Variants in GALNTL6 observed in about 807,000 individuals in gnomAD.
GALNTL6 encodes polypeptide N-acetylgalactosaminyltransferase-like 6.
In GALNTL6, 46 loss-of-function variants were observed where a neutral mutation model predicts 73.7. The observed-to-expected ratio is 0.62, with a 90% CI of 0.49 to 0.80. GALNTL6 has a LOEUF of 0.80. Ranked by LOEUF, GALNTL6 falls within the 30% of genes least tolerant of loss-of-function variation. The pLI is 0.00. For synonymous variants in GALNTL6, 259 were observed against 263.7 expected (o/e 0.98, Z 0.17); for missense variants, 604 against 755.0 (o/e 0.80, Z 2.34).
At chr4:171,971,227 C>T (rs1013357752) in intron 2 of GALNTL6, among the ~76,000 whole-genome samples, 1 of 152,184 alleles carries the variant, frequency 6.6e-6, no homozygotes, top group Non-Finnish European at 1.5e-5. Flanking sequence ...CCACCATTCC[C>T]GATCCTCCCA....
chr4:172,803,880 C>G (rs899240132), intron 5 of GALNTL6, among the ~76,000 whole-genome samples: 10 of 152,102 alleles, frequency 6.6e-5, no homozygotes, highest in African/African-American at 2.2e-4. Context: ...CTGTTCCTTT[C>G]TTAGATGGAC....
At position 172,425,975 on chromosome 4, in the gene GALNTL6, T is replaced by C. The variant is rs538067785; in HGVS notation, c.553+77286T>C. On this transcript the variant is annotated intron_variant, in intron 5 of 12. Transcript: ENST00000506823. The stretch of plus-strand genomic sequence containing the variant: ...TAGCATGGTATTCTCCTTGCTCTGA[T>C]TGTCTTTTAGTTATTGAATATAATT... 1.6e-3 allele frequency among the ~76,000 whole-genome samples: 247 copies of C among 152,240 alleles called. 2 individuals are homozygous for C. Among genetic ancestry groups the C allele is most frequent in the African/African-American group, 5.8e-3 (242 of 41,570 alleles).
intron 7 of GALNTL6, among the ~76,000 whole-genome samples, chr4:172,875,914 G>A (rs968124603): frequency 1.3e-5 from 2 of 152,112 alleles, no homozygotes; most frequent in Non-Finnish European, 2.9e-5. Flanking sequence ...GTTGATGTAG[G>A]CCTTTGGCAT....
rs75962567 is a variant in GALNTL6 at position 172,428,563 on chromosome 4, A to G, written c.553+79874A>G. Among the ~76,000 whole-genome samples, 33 of 152,286 alleles carry G rather than the reference A, an allele frequency of 2.2e-4. 1 individual carries two copies. The East Asian group carries it at 6.2e-3, about 29-fold the overall frequency. On this transcript the variant is annotated intron_variant, in intron 5 of 12. Transcript: ENST00000506823. Reference sequence around the variant, plus strand: ...GGCAAGCAGAGGCTAATAGCTGCCAAATCTCTTAGAGGATTATTTGTCTCA... The same window carrying G: ...GGCAAGCAGAGGCTAATAGCTGCCAGATCTCTTAGAGGATTATTTGTCTCA...
chr4:172,279,182 A>G (rs1248399475), intron 3 of GALNTL6, among the ~76,000 whole-genome samples: 1 of 152,176 alleles, frequency 6.6e-6, no homozygotes, highest in Non-Finnish European at 1.5e-5. Context: ...ATATGACACC[A>G]AAAGCACAGG....
rs144912642 is a variant in GALNTL6 at position 172,354,406 on chromosome 4, A to T, written c.553+5717A>T. Among the ~76,000 whole-genome samples the T allele has an allele frequency of 3.4e-3, 523 of 152,292 alleles. 3 individuals are homozygous for T. The highest frequency in any genetic ancestry group is 5.2e-3 in the Non-Finnish European group (356 of 67,980). ...GATTATATGCCAAAGAATGGAAAGG[A>T]GCTATTCTGCTTTCTGATATTTGTA... is the stretch of plus-strand genomic sequence containing the variant. On this transcript the variant is annotated intron_variant, in intron 5 of 12. Coordinates refer to ENST00000506823, the MANE Select transcript of GALNTL6 (RefSeq NM_001034845.3).
intron 3 of GALNTL6, among the ~76,000 whole-genome samples, chr4:172,291,500 A>T (rs559765242): frequency 2.6e-5 from 4 of 152,304 alleles, no homozygotes; most frequent in Non-Finnish European, 5.9e-5. Context: ...AAAAAATCAT[A>T]TCTGAATGCA....
chr4:172,206,044 A>T (rs1283542790), intron 2 of GALNTL6, among the ~76,000 whole-genome samples: 1 of 151,844 alleles, frequency 6.6e-6, no homozygotes, highest in African/African-American at 2.4e-5. Context: ...TGTATTTCAT[A>T]TTTATATAAA....
At chr4:172,421,597 G>GT (rs1731054250) in intron 5 of GALNTL6, among the ~76,000 whole-genome samples, 1 of 151,846 alleles carries the variant, frequency 6.6e-6, no homozygotes, top group African/African-American at 2.4e-5. Flanking sequence ...AGAGAAAACT[G>GT]TAAAATAAAT....
rs1362577703 is a variant in GALNTL6, at chr4:172,864,068, C to G, written c.924-18722C>G. On this transcript the variant is annotated intron_variant, in intron 7 of 12. Coordinates refer to ENST00000506823, the MANE Select transcript of GALNTL6 (RefSeq NM_001034845.3). ...CTGCCATGTAAGACGTGACTTTGCT[C>G]TTCCTTTGCTTTCTGCCATGACTGT... is the stretch of plus-strand genomic sequence containing the variant. Among the ~76,000 whole-genome samples the G allele has an allele frequency of 5.9e-5, 9 of 152,204 alleles. No homozygotes were observed. The East Asian group carries it at 1.7e-3, about 29-fold the overall frequency.
chr4:172,657,345 A>G (rs989179549), intron 5 of GALNTL6, among the ~76,000 whole-genome samples: 6 of 152,210 alleles, frequency 3.9e-5, no homozygotes, highest in Non-Finnish European at 5.9e-5. Flanking sequence ...ATGATTCCGC[A>G]GAACAGCAGT....
intron 2 of GALNTL6, among the ~76,000 whole-genome samples, chr4:171,846,274 G>C (rs1396461784): frequency 6.6e-6 from 1 of 152,128 alleles, no homozygotes; most frequent in Non-Finnish European, 1.5e-5. Context: ...GGCTTTCATA[G>C]TGACTTGCAG....
intron 2 of GALNTL6, among the ~76,000 whole-genome samples, chr4:172,156,149 G>C (rs1560945278): frequency 6.6e-6 from 1 of 151,972 alleles, no homozygotes; most frequent in Non-Finnish European, 1.5e-5. Flanking sequence ...ATAGTCCTCT[G>C]TAAACAGGAA....
intron 5 of GALNTL6, among the ~76,000 whole-genome samples, chr4:172,528,969 G>GTT (rs1735072249): frequency 2.1e-4 from 1 of 4,682 alleles, no homozygotes; most frequent in Non-Finnish European, 9.5e-4. Flanking sequence ...ATATATGTGT[G>GTT]TGTATATTTA....
intron 5 of GALNTL6, among the ~76,000 whole-genome samples, chr4:172,479,043 G>C (rs191355969): frequency 9.4e-4 from 143 of 152,260 alleles, no homozygotes; most frequent in Non-Finnish European, 1.9e-3. Context: ...TGGTGAAAAA[G>C]AATACCTATA....
intron 2 of GALNTL6, among the ~76,000 whole-genome samples, chr4:172,047,307 A>T (rs1742249219): frequency 1.3e-5 from 2 of 152,148 alleles, no homozygotes; most frequent in Non-Finnish European, 2.9e-5. Flanking sequence ...CTCACTAAAG[A>T]TATATGCTAC....
intron 7 of GALNTL6, among the ~76,000 whole-genome samples, chr4:172,869,419 C>T (rs987307483): frequency 2.0e-5 from 3 of 151,876 alleles, no homozygotes; most frequent in South Asian, 4.2e-4. Flanking sequence ...ACAAGGGAGC[C>T]GGAGAAAAAG....
chr4:171,870,931 C>A (rs1736118035), intron 2 of GALNTL6, among the ~76,000 whole-genome samples: 1 of 152,148 alleles, frequency 6.6e-6, no homozygotes, highest in Admixed American at 6.5e-5. Flanking sequence ...TAGTAAATTT[C>A]TGTTGTTTAA....
Position 172,069,555 on chromosome 4 carries a change from G to GTTATATATAACACATATGAGTTATATATA in GALNTL6, c.139-160084_139-160083insGAGTTATATATATTATATATAACACATAT, listed in dbSNP as rs1553989776. Among the ~76,000 whole-genome samples the GTTATATATAACACATATGAGTTATATATA allele has an allele frequency of 4.9e-5, 3 of 60,914 alleles. 1 individual carries two copies. Among genetic ancestry groups the GTTATATATAACACATATGAGTTATATATA allele is most frequent in the Non-Finnish European group, 9.9e-5 (3 of 30,152 alleles). 40.0% of individuals were successfully genotyped at this position (60,914 alleles called of 152,430 possible). The stretch of plus-strand genomic sequence containing the variant: ...CATATATTATATATAACACATATAT[G>GTTATATATAACACATATGAGTTATATATA]TTATATATAACACATATATGTTATA... On this transcript the variant is annotated intron_variant, in intron 2 of 12. Transcript: ENST00000506823.
Sources: gnomAD v4.1 joint callset for allele counts (sites outside exome capture counted in the v4.1 genomes callset) on GRCh38, gnomAD v4.1.1 for gene constraint, MANE v1.5 for transcripts, NCBI Gene and HGNC (gene_info 2026-07-23, HGNC 2026-07-21) for gene names.